TRDN: variants seen among roughly 807,000 people sequenced by gnomAD.
The protein encoded by TRDN is triadin, also known as triadin in skeletal muscle.
Under a neutral mutation model 149.7 loss-of-function variants are expected in TRDN, and 161 were observed. The observed-to-expected ratio is 1.08, with a 90% CI of 0.95 to 1.23. The LOEUF is 1.23. Among genes scored for constraint, TRDN ranks in the 50% most tolerant of loss-of-function variants. The pLI is 0.00. For missense variants in TRDN, 896 were observed against 823.5 expected (o/e 1.09, Z -1.08); for synonymous variants, 294 against 250.5 (o/e 1.17, Z -1.64).
At chr6:123,566,264 T>C (rs551666750) in intron 2 of TRDN, among the ~76,000 whole-genome samples, 1 of 152,280 alleles carries the variant, frequency 6.6e-6, no homozygotes, top group East Asian at 1.9e-4. Context: ...GAAAGCAAGA[T>C]GTTATCCCCA....
At chr6:123,582,479 G>T (rs1783175342) in intron 1 of TRDN, among the ~76,000 whole-genome samples, 1 of 144,904 alleles carries the variant, frequency 6.9e-6, no homozygotes, top group Non-Finnish European at 1.5e-5. Context: ...TAGGATTTGG[G>T]TAGGTAAAGG....
chr6:123,617,072 T>A (rs756932790), intron 1 of TRDN, among the ~76,000 whole-genome samples: 1 of 152,198 alleles, frequency 6.6e-6, no homozygotes, highest in African/African-American at 2.4e-5. Context: ...GACATGACTA[T>A]GGGTTTCATG....
At chr6:123,468,745 C>T (rs1312656343) in intron 9 of TRDN, 2 of 152,150 alleles carry the variant, frequency 1.3e-5, no homozygotes, top group African/African-American at 4.8e-5. Context: ...CTGAAGCCTA[C>T]TCCCTCTGTC....
At chr6:123,625,668 GATTATTACTC>G (rs1785626238) in intron 1 of TRDN, among the ~76,000 whole-genome samples, 1 of 152,082 alleles carries the variant, frequency 6.6e-6, no homozygotes, top group Non-Finnish European at 1.5e-5. Context: ...ATCCTGATGT[GATTATTACTC>G]ATTGTATGCC....
intron 12 of TRDN, among the ~76,000 whole-genome samples, chr6:123,421,374 T>C (rs1773891875): frequency 6.6e-6 from 1 of 152,210 alleles, no homozygotes; most frequent in Non-Finnish European, 1.5e-5. Context: ...GATATGATTT[T>C]GTCAATCTGT....
chr6:123,248,609 T>C (rs865974962), intron 38 of TRDN, among the ~76,000 whole-genome samples: 3 of 151,718 alleles, frequency 2.0e-5, no homozygotes, highest in African/African-American at 7.3e-5. Flanking sequence ...ACATGCTAAT[T>C]AACTGGAAAA....
chr6:123,600,477 C>T (rs553495140), intron 1 of TRDN, among the ~76,000 whole-genome samples: 2 of 151,994 alleles, frequency 1.3e-5, no homozygotes, highest in South Asian at 2.1e-4. Flanking sequence ...ATGATGATGG[C>T]GCTGTGCAGT....
At chr6:123,554,381 T>C (rs1163272419) in intron 2 of TRDN, among the ~76,000 whole-genome samples, 1 of 152,132 alleles carries the variant, frequency 6.6e-6, no homozygotes, top group African/African-American at 2.4e-5. Context: ...ATCTAGGTGG[T>C]TCTAATTTTG....
intron 23 of TRDN, among the ~76,000 whole-genome samples, 175 bp downstream of exon 23, chr6:123,331,704 A>G (rs886876682): frequency 2.0e-5 from 3 of 151,892 alleles, no homozygotes; most frequent in African/African-American, 7.2e-5. Flanking sequence ...TTTTTGTTTC[A>G]TAGTACAATT....
chr6:123,554,255 C>A (rs1339964803), intron 2 of TRDN, among the ~76,000 whole-genome samples: 1 of 151,976 alleles, frequency 6.6e-6, no homozygotes, highest in South Asian at 2.1e-4. Context: ...GCTGTATGTA[C>A]CTTCTGTATG....
intron 12 of TRDN, among the ~76,000 whole-genome samples, chr6:123,430,322 C>A (rs1320730197): frequency 6.6e-6 from 1 of 152,000 alleles, no homozygotes; most frequent in Non-Finnish European, 1.5e-5. Flanking sequence ...GTGGCTCATA[C>A]GTGTAATCCC....
intron 13 of TRDN, among the ~76,000 whole-genome samples, chr6:123,390,192 G>GTTT (rs1782054680): frequency 6.6e-6 from 1 of 151,990 alleles, no homozygotes; most frequent in Non-Finnish European, 1.5e-5. Flanking sequence ...CCTGACAAAG[G>GTTT]CCTTGACCAA....
chr6:123,491,072 C>G (rs1473647499), intron 9 of TRDN, among the ~76,000 whole-genome samples: 1 of 148,464 alleles, frequency 6.7e-6, no homozygotes, highest in East Asian at 2.0e-4. Flanking sequence ...CACCACTGCA[C>G]TCCAGCCTGG....
At chr6:123,551,404 G>A (rs545426696) in intron 2 of TRDN, among the ~76,000 whole-genome samples, 13 of 149,720 alleles carry the variant, frequency 8.7e-5, no homozygotes, top group African/African-American at 3.2e-4. Flanking sequence ...TAGTCCTGAA[G>A]TTGATTCTTA....
At chr6:123,459,917 T>A (rs1227607690) in intron 10 of TRDN, among the ~76,000 whole-genome samples, 1 of 152,196 alleles carries the variant, frequency 6.6e-6, no homozygotes, top group African/African-American at 2.4e-5. Flanking sequence ...ATCTTCTCTT[T>A]AAAATGACAT....
chr6:123,521,329 C>A (rs1779669135), intron 5 of TRDN, among the ~76,000 whole-genome samples: 1 of 151,960 alleles, frequency 6.6e-6, no homozygotes, highest in Non-Finnish European at 1.5e-5. Context: ...GAGGCTAGTC[C>A]CTAATCCAAT....
intron 10 of TRDN, among the ~76,000 whole-genome samples, chr6:123,459,946 G>A (rs945535187): frequency 6.6e-6 from 1 of 152,130 alleles, no homozygotes; most frequent in Non-Finnish European, 1.5e-5. Context: ...TTCACTACTT[G>A]TAGTTGTTTT....
At chr6:123,604,769 G>A (rs1211888216) in intron 1 of TRDN, among the ~76,000 whole-genome samples, 8 of 151,962 alleles carry the variant, frequency 5.3e-5, no homozygotes, top group Non-Finnish European at 8.8e-5. Context: ...ATGATAAATC[G>A]AGGGTGGGGA....
chr6:123,357,106 T>C (rs927134338), intron 20 of TRDN, among the ~76,000 whole-genome samples: 1 of 151,970 alleles, frequency 6.6e-6, no homozygotes, highest in African/African-American at 2.4e-5. Context: ...TAAAAGCATA[T>C]AAATTTTATC....
Sources: allele counts gnomAD v4.1 joint callset (sites outside exome capture counted in the v4.1 genomes callset), GRCh38; gene constraint gnomAD v4.1.1; transcripts MANE v1.5; gene names NCBI Gene and HGNC (gene_info 2026-07-23, HGNC 2026-07-21).